The following GRM5 variants were observed in gnomAD, a reference collection of about 807,000 sequenced individuals.
GRM5 encodes the protein glutamate metabotropic receptor 5.
In GRM5, 19 loss-of-function variants were observed where a neutral mutation model predicts 83.1. That is an observed-to-expected ratio of 0.23 (90% confidence interval 0.16 to 0.34). The LOEUF (loss-of-function observed/expected upper bound fraction) is 0.34. Ranked by LOEUF, GRM5 falls within the 10% of genes least tolerant of loss-of-function variation. The probability of loss-of-function intolerance (pLI) is 1.00; values close to 1 mark genes in which losing one functional copy is unlikely to be tolerated. For synonymous variants in GRM5, 675 were observed against 633.6 expected (o/e 1.07, Z -0.98); for missense variants, 1,160 against 1,588.3 (o/e 0.73, Z 4.58).
At position 88,507,959 on chromosome 11, in the gene GRM5, G is replaced by A. The variant is rs142340966; in HGVS notation, c.*633C>T. The A allele has an allele frequency of 1.3e-5, 2 of 152,616 alleles. No homozygotes were observed. Among genetic ancestry groups the A allele is most frequent in the East Asian group, 3.9e-4 (2 of 5,186 alleles). 9.5% of individuals were successfully genotyped at this position (152,616 alleles called of 1,614,324 possible). A position where few individuals can be genotyped will look rare whatever the true frequency, so the allele number is the denominator to read the frequency against. ...TTGGAGAGGAAAATCTCTGGTAGAAGCCCTACGTAGTACATTAGCGCAGCA... is the reference window on the plus strand; with the variant it reads ...TTGGAGAGGAAAATCTCTGGTAGAAACCCTACGTAGTACATTAGCGCAGCA... On this transcript the variant is annotated 3_prime_UTR_variant, in exon 10 of 10. Coordinates refer to ENST00000305447, the MANE Select transcript of GRM5 (RefSeq NM_001143831.3).
intron 3 of GRM5, among the ~76,000 whole-genome samples, chr11:88,833,537 A>G (rs760650019): frequency 1.3e-5 from 2 of 152,162 alleles, no homozygotes; most frequent in African/African-American, 4.8e-5. Context: ...AAAATTATAC[A>G]GACACTATGG....
intron 2 of GRM5, among the ~76,000 whole-genome samples, chr11:88,987,020 T>C (rs1407891954): frequency 6.6e-6 from 1 of 151,942 alleles, no homozygotes; most frequent in African/African-American, 2.4e-5. Flanking sequence ...GATGGCCGAA[T>C]AGGAACAGCT....
At chr11:89,020,806 G>A (rs1370490518) in intron 2 of GRM5, among the ~76,000 whole-genome samples, 1 of 152,200 alleles carries the variant, frequency 6.6e-6, no homozygotes, top group Non-Finnish European at 1.5e-5. Context: ...CCTTAGGGCT[G>A]TATTAATCAT....
intron 4 of GRM5, among the ~76,000 whole-genome samples, chr11:88,645,607 C>A (rs925848349): frequency 1.3e-5 from 2 of 151,970 alleles, no homozygotes; most frequent in Non-Finnish European, 2.9e-5. Context: ...ATTGTAGAAC[C>A]AAGGATGATC....
At chr11:88,960,362 CA>C (rs1010976355) in intron 2 of GRM5, among the ~76,000 whole-genome samples, 20 of 146,540 alleles carry the variant, frequency 1.4e-4, no homozygotes, top group South Asian at 2.2e-4. Flanking sequence ...GTCATCCTCA[CA>C]AAAAAAAAAC....
Position 88,552,843 on chromosome 11 carries a change from A to G in GRM5, c.2630+14210T>C, listed in dbSNP as rs183321969. ...CACTATTCTCCCTGGAGATACAGTC[A>G]CAGAGCAGTGTCTGTACAGTGAATG... is the stretch of plus-strand genomic sequence containing the variant. On this transcript the variant is annotated intron_variant, in intron 8 of 9. Coordinates refer to ENST00000305447, the MANE Select transcript of GRM5 (RefSeq NM_001143831.3). 9.6e-4 allele frequency among the ~76,000 whole-genome samples: 146 copies of G among 152,284 alleles called. 1 individual carries two copies. The highest frequency in any genetic ancestry group is 1.8e-3 in the Non-Finnish European group (121 of 68,008).
At chr11:88,595,674 A>G (rs66825777) in intron 6 of GRM5, among the ~76,000 whole-genome samples, 9,594 of 152,220 alleles carry the variant, frequency 0.063, 324 homozygotes, top group East Asian at 0.18. Context: ...ATTACATTCT[A>G]TTCAATCTGG....
At chr11:88,791,962 T>C (rs1028608965) in intron 3 of GRM5, among the ~76,000 whole-genome samples, 9 of 152,166 alleles carry the variant, frequency 5.9e-5, no homozygotes, top group African/African-American at 2.2e-4. Flanking sequence ...ATGGATTTTA[T>C]GGCATTGATC....
rs191991824 is a variant in GRM5, at chr11:88,701,458, C to T, written c.912-48055G>A. Among the ~76,000 whole-genome samples the T allele has an allele frequency of 2.4e-3, 369 of 152,086 alleles. 2 individuals are homozygous for T. Among genetic ancestry groups the T allele is most frequent in the South Asian group, 0.01 (49 of 4,820 alleles). ...AGAGTGAGGGAACTTTAGAATGCAC[C>T]GGAGAGGATAACAATAGCAACAGCT... On this transcript the variant is annotated intron_variant, in intron 3 of 9. Coordinates refer to ENST00000305447, the MANE Select transcript of GRM5 (RefSeq NM_001143831.3).
Position 88,956,741 on chromosome 11 carries a change from A to G in GRM5, c.661+90471T>C, listed in dbSNP as rs1028844708. On this transcript the variant is annotated intron_variant, in intron 2 of 9. Transcript: ENST00000305447. ...GAAAGGCGTGAACCCGGAAGGCGGA[A>G]CTTGCAGTGAGCCGAGATTGCGCCA... 3.3e-5 allele frequency among the ~76,000 whole-genome samples: 5 copies of G among 152,290 alleles called. No individual in the cohort carries two copies. The South Asian group carries it at 8.3e-4, about 25-fold the overall frequency.
At chr11:89,014,237 T>A (rs1940789298) in intron 2 of GRM5, among the ~76,000 whole-genome samples, 1 of 152,158 alleles carries the variant, frequency 6.6e-6, no homozygotes, top group African/African-American at 2.4e-5. Flanking sequence ...CCTCTATTTC[T>A]TAATAGAAAT....
chr11:88,541,007 C>T (rs1942253013), intron 8 of GRM5, among the ~76,000 whole-genome samples: 1 of 152,100 alleles, frequency 6.6e-6, no homozygotes, highest in Non-Finnish European at 1.5e-5. Context: ...GCCTCGGCTT[C>T]CCAAAGTGCT....
chr11:88,777,329 C>T (rs1942877231), intron 3 of GRM5, among the ~76,000 whole-genome samples: 1 of 152,124 alleles, frequency 6.6e-6, no homozygotes, highest in African/African-American at 2.4e-5. Context: ...TTCTAGCTAG[C>T]CATTCATCTT....
chr11:88,764,489 T>TGTCA (rs750904131), intron 3 of GRM5, among the ~76,000 whole-genome samples: 2 of 151,710 alleles, frequency 1.3e-5, no homozygotes, highest in Non-Finnish European at 3.0e-5. Flanking sequence ...TTTTTATAGA[T>TGTCA]GTCATACAAA....
At chr11:89,062,309 G>A (rs566950542) in intron 1 of GRM5, among the ~76,000 whole-genome samples, 5 of 152,332 alleles carry the variant, frequency 3.3e-5, no homozygotes, top group African/African-American at 1.2e-4. Flanking sequence ...ACAGCTGACA[G>A]TAGAATGTCA....
chr11:88,792,041 G>T (rs546893055), intron 3 of GRM5, among the ~76,000 whole-genome samples: 1 of 152,096 alleles, frequency 6.6e-6, no homozygotes, highest in East Asian at 1.9e-4. Context: ...CAAGTTGGGA[G>T]AGCATGTTAG....
At chr11:88,742,631 G>C (rs1329639568) in intron 3 of GRM5, among the ~76,000 whole-genome samples, 1 of 152,114 alleles carries the variant, frequency 6.6e-6, no homozygotes, top group Admixed American at 6.6e-5. Context: ...TGAGGAGAGG[G>C]AGAAATCATG....
intron 8 of GRM5, among the ~76,000 whole-genome samples, chr11:88,539,920 A>C (rs960867059): frequency 6.6e-6 from 1 of 152,202 alleles, no homozygotes; most frequent in Non-Finnish European, 1.5e-5. Flanking sequence ...TTATAATTAA[A>C]TATCTGCCTG....
rs190086322 is a variant in GRM5 at position 88,923,964 on chromosome 11, A to G, written c.662-73809T>C. 1.5e-3 allele frequency among the ~76,000 whole-genome samples: 234 copies of G among 151,750 alleles called. 1 individual carries two copies. The highest frequency in any genetic ancestry group is 5.5e-3 in the African/African-American group (229 of 41,464). On this transcript the variant is annotated intron_variant, in intron 2 of 9. Coordinates refer to ENST00000305447, the MANE Select transcript of GRM5 (RefSeq NM_001143831.3). ...TAAAATAAAAAAATTAAAGGGAAAA[A>G]TAAATAAATACTAAAAATGGGCAAA...
Sources: allele counts gnomAD v4.1 joint callset (sites outside exome capture counted in the v4.1 genomes callset), GRCh38; gene constraint gnomAD v4.1.1; transcripts MANE v1.5; gene names NCBI Gene and HGNC (gene_info 2026-07-23, HGNC 2026-07-21).